The following CDH18 variants were observed in gnomAD, a reference collection of about 807,000 sequenced individuals.
CDH18 encodes the protein cadherin-18.
In CDH18, 31 loss-of-function variants were observed where a neutral mutation model predicts 67.9. That is an observed-to-expected ratio of 0.46 (90% confidence interval 0.34 to 0.62). The LOEUF (loss-of-function observed/expected upper bound fraction) is 0.62, where lower values mean the gene tolerates loss of function less well. Among genes scored for constraint, CDH18 ranks in the 20% least tolerant of loss-of-function variants. The pLI, the probability that CDH18 is intolerant of heterozygous loss-of-function variation, is 0.01. For synonymous variants in CDH18, 362 were observed against 347.2 expected (o/e 1.04, Z -0.48); for missense variants, 890 against 975.5 (o/e 0.91, Z 1.17).
At chr5:19,876,755 C>T (rs1165967396) in intron 2 of CDH18, among the ~76,000 whole-genome samples, 2 of 151,974 alleles carry the variant, frequency 1.3e-5, no homozygotes, top group African/African-American at 4.8e-5. Context: ...TATTTAGTGA[C>T]CAGAAGGGAA....
intron 1 of CDH18, among the ~76,000 whole-genome samples, chr5:20,363,519 G>A (rs919731915): frequency 4.1e-5 from 6 of 146,574 alleles, no homozygotes; most frequent in South Asian, 2.2e-4. Flanking sequence ...TCTCTGTTAC[G>A]TCCCATATTA....
intron 2 of CDH18, among the ~76,000 whole-genome samples, chr5:20,215,163 CTAT>C (rs567455017): frequency 1.1e-4 from 16 of 151,848 alleles, no homozygotes; most frequent in Non-Finnish European, 2.4e-4. Flanking sequence ...GTCAGAATGG[CTAT>C]TATTAAATGG....
intron 5 of CDH18, among the ~76,000 whole-genome samples, chr5:19,657,257 A>C (rs1756532733): frequency 6.6e-6 from 1 of 152,152 alleles, no homozygotes; most frequent in African/African-American, 2.4e-5. Context: ...AAGAAGAATA[A>C]AAACTTGTGA....
intron 6 of CDH18, among the ~76,000 whole-genome samples, chr5:19,604,919 C>A (rs1158083548): frequency 6.6e-6 from 1 of 151,826 alleles, no homozygotes; most frequent in East Asian, 1.9e-4. Flanking sequence ...ATAAATAACA[C>A]ATAAATGCTT....
chr5:20,068,632 CAATT>C (rs1308817297), intron 2 of CDH18, among the ~76,000 whole-genome samples: 1 of 151,798 alleles, frequency 6.6e-6, no homozygotes, highest in Non-Finnish European at 1.5e-5. Flanking sequence ...TTATATTTAA[CAATT>C]AAAATAAGGA....
At position 20,146,421 on chromosome 5, in the gene CDH18, CT is replaced by C. The variant is rs1750648051; in HGVS notation, c.-518+109022del. Among the ~76,000 whole-genome samples, 3 of 151,878 alleles carry C rather than the reference CT, an allele frequency of 2.0e-5. No individual in the cohort carries two copies. In the South Asian group the frequency reaches 6.2e-4, roughly 31 times the overall value. On this transcript the variant is annotated intron_variant, in intron 2 of 14. Coordinates refer to the CDH18 transcript ENST00000507958. Reference sequence around the variant, plus strand: ...ACGCTAAGGTCTTAACTATCACAACCTGAAATTTACTTGTGTAAATTATAAT... The same window carrying C: ...ACGCTAAGGTCTTAACTATCACAACCGAAATTTACTTGTGTAAATTATAAT...
At chr5:20,216,063 A>G (rs1375853010) in intron 2 of CDH18, among the ~76,000 whole-genome samples, 1 of 151,990 alleles carries the variant, frequency 6.6e-6, no homozygotes, top group Non-Finnish European at 1.5e-5. Context: ...AATCTGTATA[A>G]TAAACCCCCA....
At chr5:20,456,735 T>A (rs1750860997) in intron 1 of CDH18, among the ~76,000 whole-genome samples, 1 of 152,186 alleles carries the variant, frequency 6.6e-6, no homozygotes, top group Non-Finnish European at 1.5e-5. Flanking sequence ...ATGCCATATT[T>A]TTTTTAATGT....
rs148189278 is a variant in CDH18, at chr5:19,567,661, G to T, written c.1253+3918C>A. ...TATTAAAATCAAGAATAAATATTAT[G>T]TAAATTATGTCCCCAAACAGCAGCT... On this transcript the variant is annotated intron_variant, in intron 8 of 12. Transcript: ENST00000382275. 7.2e-3 allele frequency among the ~76,000 whole-genome samples: 1,094 copies of T among 152,228 alleles called. 15 individuals are homozygous for T. Among genetic ancestry groups the T allele is most frequent in the African/African-American group, 0.025 (1,036 of 41,528 alleles).
intron 2 of CDH18, among the ~76,000 whole-genome samples, chr5:20,137,628 T>C (rs1409401288): frequency 1.3e-5 from 2 of 152,152 alleles, no homozygotes; most frequent in African/African-American, 4.8e-5. Context: ...GTTCCATTGC[T>C]GGCAAGGAGC....
chr5:20,435,937 T>C (rs1277246837), intron 1 of CDH18, among the ~76,000 whole-genome samples: 4 of 152,192 alleles, frequency 2.6e-5, no homozygotes, highest in Non-Finnish European at 2.9e-5. Context: ...CACGTTTATA[T>C]TGCCTTTTCG....
intron 4 of CDH18, among the ~76,000 whole-genome samples, chr5:19,729,431 G>A (rs1767298024): frequency 6.6e-6 from 1 of 152,180 alleles, no homozygotes; most frequent in Non-Finnish European, 1.5e-5. Flanking sequence ...ATATGTAGCA[G>A]TCTTTCTCAT....
chr5:20,386,788 T>C (rs1294279962), intron 1 of CDH18, among the ~76,000 whole-genome samples: 1 of 152,174 alleles, frequency 6.6e-6, no homozygotes. Flanking sequence ...TGCTGAAAGC[T>C]ACAGTTATCC....
chr5:20,547,666 C>G (rs1261767915), intron 1 of CDH18, among the ~76,000 whole-genome samples: 2 of 151,954 alleles, frequency 1.3e-5, no homozygotes, highest in African/African-American at 4.8e-5. Context: ...ACATCCTAGT[C>G]AACATGTTTG....
intron 5 of CDH18, among the ~76,000 whole-genome samples, chr5:19,629,136 A>C (rs564468091): frequency 2.6e-4 from 40 of 152,324 alleles, no homozygotes; most frequent in Non-Finnish European, 4.4e-4. Context: ...TGTTACGTTA[A>C]GTGAATTTTT....
chr5:19,665,598 T>A (rs1757795445), intron 5 of CDH18, among the ~76,000 whole-genome samples: 2 of 152,054 alleles, frequency 1.3e-5, no homozygotes, highest in Non-Finnish European at 2.9e-5. Flanking sequence ...ATTTCTTTGA[T>A]CTTAAAAATG....
intron 2 of CDH18, among the ~76,000 whole-genome samples, chr5:20,221,244 G>A (rs540745859): frequency 6.6e-6 from 1 of 152,178 alleles, no homozygotes; most frequent in African/African-American, 2.4e-5. Flanking sequence ...TAAAAAATAT[G>A]TGGTACCTAT....
At chr5:19,709,633 AG>A (rs1764445798) in intron 5 of CDH18, among the ~76,000 whole-genome samples, 1 of 151,574 alleles carries the variant, frequency 6.6e-6, no homozygotes, top group African/African-American at 2.4e-5. Context: ...AAAGAGAGAA[AG>A]AGAGAGAGAA....
chr5:20,112,596 C>A (rs1244026543), intron 2 of CDH18, among the ~76,000 whole-genome samples: 1 of 151,918 alleles, frequency 6.6e-6, no homozygotes, highest in Non-Finnish European at 1.5e-5. Flanking sequence ...AAAATAAATC[C>A]CCAGCTACTT....
Sources: allele counts gnomAD v4.1 joint callset (sites outside exome capture counted in the v4.1 genomes callset), GRCh38; gene constraint gnomAD v4.1.1; transcripts MANE v1.5; gene names NCBI Gene and HGNC (gene_info 2026-07-23, HGNC 2026-07-21).